The following NDRG3 variants were observed in gnomAD, a reference collection of about 807,000 sequenced individuals.
NDRG3 encodes NDRG family member 3.
A neutral mutation model predicts 57.2 loss-of-function variants in NDRG3; 23 were observed. The observed-to-expected ratio is 0.40, with a 90% CI of 0.29 to 0.57. The LOEUF (loss-of-function observed/expected upper bound fraction) is 0.57. NDRG3 is among the 20% of genes least tolerant of loss of function. NDRG3 has a pLI of 0.42. For synonymous variants in NDRG3, 132 were observed against 162.6 expected, an observed-to-expected ratio of 0.81 and a Z score of 1.43; for missense variants, 384 against 457.3, an observed-to-expected ratio of 0.84 and a Z score of 1.46.
chr20:36,723,600 G>A (rs1984728646), intron 1 of NDRG3, among the ~76,000 whole-genome samples: 1 of 151,076 alleles, frequency 6.6e-6, no homozygotes, highest in Non-Finnish European at 1.5e-5. Flanking sequence ...GGAATTCAAA[G>A]GAGAAGCAAT....
chr20:36,724,722 G>A (rs1220757379), intron 1 of NDRG3, among the ~76,000 whole-genome samples: 1 of 152,040 alleles, frequency 6.6e-6, no homozygotes, highest in Non-Finnish European at 1.5e-5. Flanking sequence ...GAGGTCAGGA[G>A]TTCGAGACCA....
chr20:36,682,398 A>C (rs886585723), intron 7 of NDRG3, 120 bp downstream of exon 7: 49 of 744,110 alleles, frequency 6.6e-5, no homozygotes, highest in Non-Finnish European at 1.1e-4. Context: ...TAAAGCTGAC[A>C]GAAGTTACAG....
chr20:36,682,558 A>G lies in NDRG3; in HGVS notation c.404T>C (p.Ile135Thr), dbSNP rs753333000. The G allele has an allele frequency of 1.2e-6, 2 of 1,614,102 alleles. No individual in the cohort carries two copies. The highest frequency in any genetic ancestry group is 1.7e-6 in the Non-Finnish European group (2 of 1,179,942). ...THLSLKSIIG[I>T]GVGAGAYILS... ...GATGTAAGCTCCAGCTCCAACTCCA[A>G]TTCCAATGATGCTTTTCAGGCTGTG... The change falls in exon 7 of 16, where the codon ATT becomes ACT. Residue 135 changes from isoleucine (I) to threonine (T), a missense_variant. Physicochemically the swap from Ile to Thr is moderately conservative, Grantham distance 89. Coordinates refer to ENST00000349004, the MANE Select transcript of NDRG3 (RefSeq NM_032013.4).
chr20:36,710,270 G>C (rs1983787569), intron 2 of NDRG3, among the ~76,000 whole-genome samples: 1 of 152,136 alleles, frequency 6.6e-6, no homozygotes, highest in African/African-American at 2.4e-5. Flanking sequence ...GCTGCAGTGA[G>C]CCGAGATCGC....
At chr20:36,664,600 A>G (rs915069829) in intron 12 of NDRG3, among the ~76,000 whole-genome samples, 2 of 152,234 alleles carry the variant, frequency 1.3e-5, no homozygotes, top group Non-Finnish European at 2.9e-5. Flanking sequence ...TAATTTTCCA[A>G]AATGTATGAC....
At chr20:36,698,873 C>T (rs907585941) in intron 3 of NDRG3, among the ~76,000 whole-genome samples, 1 of 152,000 alleles carries the variant, frequency 6.6e-6, no homozygotes, top group Admixed American at 6.6e-5. Context: ...AAATATACCA[C>T]TTATGCCAAT....
intron 3 of NDRG3, 122 bp from the exon 4 acceptor site, chr20:36,688,906 AC>A: frequency 1.4e-6 from 1 of 729,076 alleles, no homozygotes; most frequent in East Asian, 2.6e-5. Flanking sequence ...TTAATAAATT[AC>A]ATGTGGCTGG....
At chr20:36,693,125 TATATATATATATATATACAC>T (rs1458107843) in intron 3 of NDRG3, among the ~76,000 whole-genome samples, 3 of 62,138 alleles carry the variant, frequency 4.8e-5, no homozygotes, top group South Asian at 1.1e-3. Context: ...TATATATATA[TATATATATATATATATACAC>T]ACACACACAT....
At position 36,696,642 on chromosome 20, in the gene NDRG3, G is replaced by A. The variant is rs1191042502; in HGVS notation, c.94-7858C>T. On this transcript the variant is annotated intron_variant, in intron 3 of 15. Transcript: ENST00000349004. ...CCAAGTAGCTGGACTACAGACGCGC[G>A]CCACCATGCCTAGCTAATTTTTTGT... Among the ~76,000 whole-genome samples, 3 of 151,806 alleles carry A rather than the reference G, an allele frequency of 2.0e-5. No individual in the cohort carries two copies. In the East Asian group the frequency reaches 5.8e-4, roughly 29 times the overall value.
chr20:36,722,184 A>C (rs1984632264), intron 1 of NDRG3, among the ~76,000 whole-genome samples: 1 of 152,184 alleles, frequency 6.6e-6, no homozygotes, highest in Admixed American at 6.6e-5. Flanking sequence ...GTAACAAGTA[A>C]CTGAGAGCAG....
intron 12 of NDRG3, among the ~76,000 whole-genome samples, chr20:36,664,043 T>C (rs1297223196): frequency 2.0e-5 from 3 of 152,150 alleles, no homozygotes; most frequent in Admixed American, 6.6e-5. Flanking sequence ...CCTCAGGTGA[T>C]CCACCCACCT....
chr20:36,670,385 T>C (rs941852190), intron 9 of NDRG3, among the ~76,000 whole-genome samples: 1 of 152,194 alleles, frequency 6.6e-6, no homozygotes, highest in Admixed American at 6.6e-5. Context: ...AGATTCTTTG[T>C]AATAAGCCCT....
chr20:36,677,886 A>G (rs1340903861), intron 8 of NDRG3, among the ~76,000 whole-genome samples: 1 of 152,136 alleles, frequency 6.6e-6, no homozygotes, highest in Non-Finnish European at 1.5e-5. Context: ...TAGACAAATC[A>G]ACACCCCAGA....
intron 7 of NDRG3, among the ~76,000 whole-genome samples, chr20:36,681,977 C>G (rs970470610): frequency 2.6e-5 from 4 of 152,122 alleles, no homozygotes; most frequent in African/African-American, 7.2e-5. Flanking sequence ...GGATCACAGG[C>G]GTGAGCCACC....
intron 7 of NDRG3, among the ~76,000 whole-genome samples, chr20:36,681,918 G>A (rs528197811): frequency 1.3e-5 from 2 of 152,056 alleles, no homozygotes; most frequent in African/African-American, 2.4e-5. Context: ...GGCTGGTCTC[G>A]AACTCCTGAC....
At chr20:36,683,639 A>AATAC (rs1981511511) in intron 6 of NDRG3, among the ~76,000 whole-genome samples, 1 of 147,410 alleles carries the variant, frequency 6.8e-6, no homozygotes, top group Non-Finnish European at 1.5e-5. Context: ...TAAATAAATA[A>AATAC]ATATATGTAT....
intron 8 of NDRG3, among the ~76,000 whole-genome samples, chr20:36,675,002 T>TTCCCACC (rs1980538758): frequency 6.7e-6 from 1 of 148,574 alleles, no homozygotes. Flanking sequence ...TCAAGTATTC[T>TTCCCACC]TCCCACCTCA....
intron 1 of NDRG3, among the ~76,000 whole-genome samples, chr20:36,727,333 C>A (rs958376769): frequency 1.3e-5 from 2 of 152,014 alleles, no homozygotes; most frequent in African/African-American, 4.8e-5. Flanking sequence ...GATTCTCCTG[C>A]CTCAGCCTCC....
At chr20:36,702,869 A>C (rs1183741500) in intron 3 of NDRG3, among the ~76,000 whole-genome samples, 3 of 151,988 alleles carry the variant, frequency 2.0e-5, no homozygotes, top group Admixed American at 6.6e-5. Context: ...TTTTCAATAG[A>C]GACGGGGTTT....
Sources: allele counts gnomAD v4.1 joint callset (sites outside exome capture counted in the v4.1 genomes callset), GRCh38; gene constraint gnomAD v4.1.1; transcripts MANE v1.5; gene names NCBI Gene and HGNC (gene_info 2026-07-23, HGNC 2026-07-21).